The following MGAT4C variants were observed in gnomAD, a reference collection of about 807,000 sequenced individuals.
The protein encoded by MGAT4C is alpha-1,3-mannosyl-glycoprotein 4-beta-N-acetylglucosaminyltransferase C.
A neutral mutation model predicts 40.1 loss-of-function variants in MGAT4C; 19 were observed. The ratio of observed to expected loss-of-function variants is 0.47; its 90% confidence interval spans 0.33 to 0.70. The LOEUF (loss-of-function observed/expected upper bound fraction) is 0.70, where lower values mean the gene tolerates loss of function less well. Ranked by LOEUF, MGAT4C falls within the 30% of genes least tolerant of loss-of-function variation. MGAT4C has a pLI of 0.02. For synonymous variants in MGAT4C, 181 were observed against 187.1 expected (o/e 0.97, Z 0.27); for missense variants, 491 against 563.2 (o/e 0.87, Z 1.30).
At chr12:86,620,511 A>G (rs11104014) in intron 2 of MGAT4C, among the ~76,000 whole-genome samples, 5,305 of 152,272 alleles carry the variant, frequency 0.035, 139 homozygotes, top group Non-Finnish European at 0.048. Context: ...GGAAATAAAC[A>G]ATGTGTACAC....
At chr12:86,013,163 T>C (rs1001855951) in intron 2 of MGAT4C, among the ~76,000 whole-genome samples, 1 of 152,154 alleles carries the variant, frequency 6.6e-6, no homozygotes, top group African/African-American at 2.4e-5. Flanking sequence ...AGACCTTGTC[T>C]CTTCAGAAAG....
intron 1 of MGAT4C, among the ~76,000 whole-genome samples, chr12:86,139,125 T>G (rs1882462860): frequency 1.3e-5 from 2 of 152,222 alleles, no homozygotes; most frequent in South Asian, 4.1e-4. Context: ...AAATATTTTC[T>G]TTGCATCTAA....
chr12:86,582,381 C>A (rs988234655), intron 2 of MGAT4C, among the ~76,000 whole-genome samples: 1 of 151,218 alleles, frequency 6.6e-6, no homozygotes, highest in Admixed American at 6.6e-5. Context: ...TGAGAACTTA[C>A]ATGGAGTATG....
intron 2 of MGAT4C, among the ~76,000 whole-genome samples, chr12:86,466,413 T>C (rs1957683907): frequency 6.6e-6 from 1 of 152,262 alleles, no homozygotes; most frequent in East Asian, 1.9e-4. Context: ...CTTAAATGCA[T>C]ATTATTAAGT....
chr12:86,771,714 GT>G (rs1565979535), intron 1 of MGAT4C, among the ~76,000 whole-genome samples: 1 of 149,856 alleles, frequency 6.7e-6, no homozygotes, highest in African/African-American at 2.5e-5. Flanking sequence ...GTGTGTGTGT[GT>G]GTGTGTGTAT....
At chr12:86,155,182 C>G (rs1436309302) in intron 1 of MGAT4C, among the ~76,000 whole-genome samples, 1 of 152,162 alleles carries the variant, frequency 6.6e-6, no homozygotes, top group Non-Finnish European at 1.5e-5. Context: ...ATCAATGTGG[C>G]TGTAGTACAG....
chr12:86,002,190 C>T (rs1407450930), intron 2 of MGAT4C: 2 of 151,878 alleles, frequency 1.3e-5, no homozygotes, highest in Non-Finnish European at 2.9e-5. Context: ...TCAAGGGACT[C>T]TAGGACCCCA....
intron 3 of MGAT4C, among the ~76,000 whole-genome samples, chr12:86,359,211 C>A (rs182341929): frequency 6.6e-6 from 1 of 152,162 alleles, no homozygotes; most frequent in East Asian, 1.9e-4. Context: ...ACTGAACAAC[C>A]TGCTCCTGAA....
At chr12:86,091,531 C>A (rs1872881320) in intron 1 of MGAT4C, among the ~76,000 whole-genome samples, 1 of 151,924 alleles carries the variant, frequency 6.6e-6, no homozygotes. Flanking sequence ...AATTTAAATA[C>A]CAATGTCAGC....
At chr12:86,485,574 G>A (rs910111114) in intron 2 of MGAT4C, among the ~76,000 whole-genome samples, 1 of 152,048 alleles carries the variant, frequency 6.6e-6, no homozygotes, top group African/African-American at 2.4e-5. Flanking sequence ...CAAGAAATAT[G>A]GGACTATGTA....
intron 2 of MGAT4C, among the ~76,000 whole-genome samples, chr12:86,509,132 G>T (rs572326668): frequency 1.8e-4 from 27 of 152,240 alleles, no homozygotes; most frequent in Admixed American, 5.2e-4. Flanking sequence ...TGAAGTCCTT[G>T]ACCATGCCTA....
At chr12:86,479,140 A>G (rs1453651871) in intron 2 of MGAT4C, among the ~76,000 whole-genome samples, 1 of 152,068 alleles carries the variant, frequency 6.6e-6, no homozygotes, top group African/African-American at 2.4e-5. Flanking sequence ...TACATTTGTC[A>G]TTCAACAAAC....
intron 1 of MGAT4C, among the ~76,000 whole-genome samples, chr12:86,198,887 C>A (rs1024196630): frequency 6.6e-6 from 1 of 152,166 alleles, no homozygotes; most frequent in South Asian, 2.1e-4. Context: ...TCACATATGG[C>A]TCACGCTAGA....
At chr12:86,804,574 T>C (rs568578959) in intron 1 of MGAT4C, among the ~76,000 whole-genome samples, 1 of 152,094 alleles carries the variant, frequency 6.6e-6, no homozygotes, top group African/African-American at 2.4e-5. Context: ...AGTGACAAAA[T>C]ATAATACCTC....
chr12:86,618,101 G>T (rs1048166206), intron 2 of MGAT4C, among the ~76,000 whole-genome samples: 1 of 151,796 alleles, frequency 6.6e-6, no homozygotes, highest in Non-Finnish European at 1.5e-5. Flanking sequence ...CTAACTTCAG[G>T]GAAATGCAAA....
intron 4 of MGAT4C, among the ~76,000 whole-genome samples, chr12:86,286,197 C>G (rs1439319476): frequency 1.3e-5 from 2 of 151,902 alleles, no homozygotes; most frequent in Non-Finnish European, 2.9e-5. Context: ...GAGTTGGAGA[C>G]AGGATGTGAC....
chr12:86,034,057 A>G (rs754380426), intron 2 of MGAT4C, among the ~76,000 whole-genome samples: 1 of 149,810 alleles, frequency 6.7e-6, no homozygotes, highest in Non-Finnish European at 1.5e-5. Flanking sequence ...AATCACATTT[A>G]CTGATTTGCA....
chr12:86,326,593 T>C (rs1954533924), intron 4 of MGAT4C, among the ~76,000 whole-genome samples: 1 of 151,966 alleles, frequency 6.6e-6, no homozygotes. Flanking sequence ...TGTTGAAGAG[T>C]AAATAACTAG....
At chr12:86,745,431 CT>C (rs1225186596) in intron 1 of MGAT4C, among the ~76,000 whole-genome samples, 1 of 151,610 alleles carries the variant, frequency 6.6e-6, no homozygotes, top group Admixed American at 6.6e-5. Flanking sequence ...GCACATACTT[CT>C]TGAATATAAT....
Sources: allele counts gnomAD v4.1 joint callset (sites outside exome capture counted in the v4.1 genomes callset), GRCh38; gene constraint gnomAD v4.1.1; transcripts MANE v1.5; gene names NCBI Gene and HGNC (gene_info 2026-07-23, HGNC 2026-07-21).